The following PLD5 variants were observed in gnomAD, a reference collection of about 807,000 sequenced individuals.
PLD5 encodes phospholipase D family member 5.
A neutral mutation model predicts 61.1 loss-of-function variants in PLD5; 36 were observed. That is an observed-to-expected ratio of 0.59 (90% CI 0.45 to 0.78). PLD5 has a LOEUF of 0.78. Among genes scored for constraint, PLD5 ranks in the 30% least tolerant of loss-of-function variants. The probability of loss-of-function intolerance (pLI) is 0.00; values close to 1 mark genes in which losing one functional copy is unlikely to be tolerated. For missense variants in PLD5, 515 were observed against 644.4 expected, an observed-to-expected ratio of 0.80 and a Z score of 2.17; for synonymous variants, 243 against 242.8, an observed-to-expected ratio of 1.00 and a Z score of -0.01.
intron 1 of PLD5, among the ~76,000 whole-genome samples, chr1:242,511,428 T>C (rs943503975): frequency 5.6e-4 from 86 of 152,268 alleles, no homozygotes; most frequent in African/African-American, 1.9e-3. Flanking sequence ...AGTAACTTTA[T>C]AGTGAGAAAC....
Position 242,503,087 on chromosome 1 carries a change from G to A in PLD5, c.189+21001C>T, listed in dbSNP as rs187826407. On this transcript the variant is annotated intron_variant, in intron 1 of 9. Transcript: ENST00000536534. ...AAACAAAAACAAAACAGAGTCCTGCGGAGGTCTGATTTCCCACCCAATAAC... is the reference window on the plus strand; with the variant it reads ...AAACAAAAACAAAACAGAGTCCTGCAGAGGTCTGATTTCCCACCCAATAAC... Among the ~76,000 whole-genome samples the A allele has an allele frequency of 3.3e-4, 50 of 152,114 alleles. 1 individual carries two copies. The highest frequency in any genetic ancestry group is 2.4e-3 in the Admixed American group (37 of 15,274).
At chr1:242,322,985 G>A (rs112488433) in intron 2 of PLD5, among the ~76,000 whole-genome samples, 2 of 151,992 alleles carry the variant, frequency 1.3e-5, no homozygotes, top group African/African-American at 4.8e-5. Flanking sequence ...CTCCACAAGG[G>A]CAGACAGTCT....
intron 1 of PLD5, among the ~76,000 whole-genome samples, chr1:242,475,419 T>A: frequency 1.2e-5 from 1 of 81,568 alleles, no homozygotes; most frequent in Admixed American, 1.5e-4. Flanking sequence ...CGAGACTCCG[T>A]CTCAAAAAAA....
intron 1 of PLD5, among the ~76,000 whole-genome samples, chr1:242,475,602 G>A (rs940040590): frequency 2.0e-5 from 3 of 152,050 alleles, no homozygotes; most frequent in South Asian, 2.1e-4. Context: ...ACAGAACAGC[G>A]AGGAGACTCT....
chr1:242,170,792 G>C (rs1263807195), intron 5 of PLD5, among the ~76,000 whole-genome samples: 1 of 151,996 alleles, frequency 6.6e-6, no homozygotes, highest in Non-Finnish European at 1.5e-5. Context: ...CGATCAAGGG[G>C]AATAAAGGAT....
chr1:242,329,754 A>G (rs1306049971), intron 2 of PLD5, among the ~76,000 whole-genome samples: 1 of 152,152 alleles, frequency 6.6e-6, no homozygotes, highest in Non-Finnish European at 1.5e-5. Context: ...TAAGTTCTCT[A>G]GGTGATTGCA....
chr1:242,342,858 T>C (rs1261987228), intron 2 of PLD5, among the ~76,000 whole-genome samples: 8 of 152,192 alleles, frequency 5.3e-5, no homozygotes, highest in Non-Finnish European at 1.2e-4. Context: ...TGATATTTTG[T>C]AGATTTGTGA....
intron 5 of PLD5, chr1:242,210,661 C>T (rs1210972140): frequency 6.6e-6 from 1 of 152,400 alleles, no homozygotes; most frequent in East Asian, 1.9e-4. Context: ...CACTGAGCAC[C>T]TTGTGACCCC....
intron 1 of PLD5, among the ~76,000 whole-genome samples, chr1:242,375,924 C>T (rs1661926168): frequency 6.6e-6 from 1 of 152,114 alleles, no homozygotes; most frequent in Non-Finnish European, 1.5e-5. Context: ...CAGCAGCACC[C>T]AGAACAGGAA....
intron 1 of PLD5, among the ~76,000 whole-genome samples, chr1:242,363,609 A>G (rs1661189574): frequency 6.6e-6 from 1 of 151,960 alleles, no homozygotes; most frequent in African/African-American, 2.4e-5. Context: ...AGTAATATCT[A>G]CCAGACATGC....
intron 5 of PLD5, among the ~76,000 whole-genome samples, chr1:242,174,507 TA>T (rs1666986279): frequency 6.6e-6 from 1 of 152,106 alleles, no homozygotes; most frequent in Non-Finnish European, 1.5e-5. Context: ...CTCAGGGATC[TA>T]GAACTAGAAA....
At chr1:242,507,378 A>G (rs1668763098) in intron 1 of PLD5, among the ~76,000 whole-genome samples, 3 of 152,202 alleles carry the variant, frequency 2.0e-5, no homozygotes, top group South Asian at 4.1e-4. Flanking sequence ...AGGTCATTCA[A>G]GCCTCTACAT....
At chr1:242,270,771 G>A (rs888082688) in intron 3 of PLD5, among the ~76,000 whole-genome samples, 3 of 152,160 alleles carry the variant, frequency 2.0e-5, no homozygotes, top group Admixed American at 6.5e-5. Flanking sequence ...CCCAAGGCTG[G>A]GTATATGAGG....
At chr1:242,444,167 T>C (rs1666399878) in intron 1 of PLD5, among the ~76,000 whole-genome samples, 1 of 152,212 alleles carries the variant, frequency 6.6e-6, no homozygotes, top group African/African-American at 2.4e-5. Context: ...ATATTGTTGG[T>C]ATGTGTAATT....
At chr1:242,106,295 T>A (rs1661050360) in intron 8 of PLD5, among the ~76,000 whole-genome samples, 1 of 152,232 alleles carries the variant, frequency 6.6e-6, no homozygotes, top group Non-Finnish European at 1.5e-5. Flanking sequence ...GATGTACCGC[T>A]TTCAGGCTTG....
At chr1:242,103,327 C>T (rs935919779) in intron 8 of PLD5, among the ~76,000 whole-genome samples, 2 of 152,166 alleles carry the variant, frequency 1.3e-5, no homozygotes, top group African/African-American at 4.8e-5. Context: ...TCTGCCCTGT[C>T]CCCTCACTGG....
chr1:242,239,390 AC>A (rs1418039240), intron 4 of PLD5, among the ~76,000 whole-genome samples: 1 of 152,180 alleles, frequency 6.6e-6, no homozygotes, highest in Non-Finnish European at 1.5e-5. Context: ...TTTTTGAGTT[AC>A]CTTGCATAAT....
At chr1:242,212,474 A>G (rs191025720) in intron 5 of PLD5, among the ~76,000 whole-genome samples, 1,923 of 152,344 alleles carry the variant, frequency 0.013, 26 homozygotes, top group Admixed American at 0.045. Context: ...CCTGGAGCCA[A>G]CAGATGCTCC....
intron 1 of PLD5, among the ~76,000 whole-genome samples, chr1:242,372,863 C>T (rs1050083184): frequency 1.3e-5 from 2 of 151,920 alleles, no homozygotes; most frequent in African/African-American, 4.8e-5. Context: ...TAGGCAATAC[C>T]ATTCAGGACA....
Sources: gnomAD v4.1 joint callset for allele counts (sites outside exome capture counted in the v4.1 genomes callset) on GRCh38, gnomAD v4.1.1 for gene constraint, MANE v1.5 for transcripts, NCBI Gene and HGNC (gene_info 2026-07-23, HGNC 2026-07-21) for gene names.